GALNT15: variants seen among roughly 807,000 people sequenced by gnomAD.
GALNT15 encodes the protein UDP-GalNAc transferase T15.
Under a neutral mutation model 66.8 loss-of-function variants are expected in GALNT15, and 67 were observed. The observed-to-expected ratio is 1.00, with a 90% CI of 0.82 to 1.23. The LOEUF (loss-of-function observed/expected upper bound fraction) is 1.23. Among genes scored for constraint, GALNT15 ranks in the 50% most tolerant of loss-of-function variants. The probability of loss-of-function intolerance (pLI) is 0.00; values close to 1 mark genes in which losing one functional copy is unlikely to be tolerated. For missense variants in GALNT15, 827 were observed against 804.3 expected (o/e 1.03, Z -0.34); for synonymous variants, 313 against 311.5 (o/e 1.00, Z -0.05).
Position 16,219,604 on chromosome 3 carries a change from T to C in GALNT15, c.1524+70T>C. ...CCAAGACAAGAACTAGATGTTCAGC[T>C]CTTCCATGTCCCTGGTCAACCATTC... On this transcript the variant is annotated intron_variant, in intron 7 of 9. Transcript: ENST00000339732. The surrounding 1 kb of genome is among the most constrained non-coding windows in gnomAD (Gnocchi z 4.3). 1 of 1,574,986 alleles carries C rather than the reference T, an allele frequency of 6.3e-7. No individual in the cohort carries two copies. The highest frequency in any genetic ancestry group is 8.6e-7 in the Non-Finnish European group (1 of 1,156,300).
In GALNT15 at chr3:16,224,076, T is replaced by C. The variant is rs1455716095; in HGVS notation, c.1773+1318T>C. ...CTAAGCAAGTCCTATGAATAAGATATACTTTAGAAACAGCATTTAAAAATA... is the reference window on the plus strand; with the variant it reads ...CTAAGCAAGTCCTATGAATAAGATACACTTTAGAAACAGCATTTAAAAATA... On this transcript the variant is annotated intron_variant, in intron 9 of 9. Coordinates refer to ENST00000339732, the MANE Select transcript of GALNT15 (RefSeq NM_054110.5). This position sits in a 1 kb window ranked among gnomAD's most constrained non-coding sequence, Gnocchi z 5.2. 1.3e-5 allele frequency among the ~76,000 whole-genome samples: 2 copies of C among 152,204 alleles called. No homozygotes were observed. Among genetic ancestry groups the C allele is most frequent in the South Asian group, 2.1e-4 (1 of 4,826 alleles).
At chr3:16,235,504 A>G (rs1228134045), downstream of GALNT15, among the ~76,000 whole-genome samples, 1 of 152,226 alleles carries the variant, frequency 6.6e-6, no homozygotes, top group African/African-American at 2.4e-5. Context: ...AAAGCGAGGG[A>G]GATTCAGATA....
the GALNT15 span, among the ~76,000 whole-genome samples, chr3:16,245,611 C>T: frequency 3.9e-5 from 6 of 152,150 alleles, no homozygotes; most frequent in South Asian, 2.1e-4. Context: ...GAAATTGAAC[C>T]GGTTTGGTCC....
At chr3:16,233,925 T>C (rs2064108156), downstream of GALNT15, among the ~76,000 whole-genome samples, 1 of 152,182 alleles carries the variant, frequency 6.6e-6, no homozygotes, top group Non-Finnish European at 1.5e-5. Context: ...CTGATGGGAA[T>C]ATGGCCCTCA....
In GALNT15 at chr3:16,228,415, A is replaced by T. The variant is rs1044463287; in HGVS notation, c.*915A>T. The T allele has an allele frequency of 2.4e-6, 2 of 848,958 alleles. No individual in the cohort carries two copies. The highest frequency in any genetic ancestry group is 3.7e-5 in the African/African-American group (2 of 54,412). The allele number at this position is 848,958 out of a possible 1,614,324, so 52.6% of individuals were successfully genotyped here. A position where few individuals can be genotyped will look rare whatever the true frequency, so the allele number is the denominator to read the frequency against. On this transcript the variant is annotated 3_prime_UTR_variant, in exon 10 of 10. Coordinates refer to ENST00000339732, the MANE Select transcript of GALNT15 (RefSeq NM_054110.5). ...CAGCACTTTGGGAGGCAGAGTTGGGAGGATCACCTGATGTCAGGGGTTTGA... is the reference window on the plus strand; with the variant it reads ...CAGCACTTTGGGAGGCAGAGTTGGGTGGATCACCTGATGTCAGGGGTTTGA...
intron 2 of GALNT15, among the ~76,000 whole-genome samples, chr3:16,197,268 G>A (rs2063648845): frequency 6.6e-6 from 1 of 151,996 alleles, no homozygotes. Context: ...CCACCAGAGG[G>A]GATCTGGATC....
In GALNT15 at chr3:16,188,461, C is replaced by G. The variant is rs963592803; in HGVS notation, c.540-7299C>G. Among the ~76,000 whole-genome samples, 2 of 152,200 alleles carry G rather than the reference C, an allele frequency of 1.3e-5. No individual in the cohort carries two copies. Among genetic ancestry groups the G allele is most frequent in the African/African-American group, 4.8e-5 (2 of 41,452 alleles). On this transcript the variant is annotated intron_variant, in intron 1 of 9. Transcript: ENST00000339732. The surrounding 1 kb of genome is among the most constrained non-coding windows in gnomAD (Gnocchi z 4.6). ...ATCAGGAAGATGTGGCAAAACTGGA[C>G]TAAATTTCCTCCCAGTGACATCAGC...
chr3:16,216,646 G>A (rs2063881836), intron 6 of GALNT15, among the ~76,000 whole-genome samples: 2 of 152,238 alleles, frequency 1.3e-5, no homozygotes, highest in Non-Finnish European at 1.5e-5. Context: ...CTGGGGGCTT[G>A]TGTCCCTTTT....
chr3:16,175,262 C>T lies in GALNT15; in HGVS notation c.111C>T (p.His37=). The change falls in exon 1 of 10, where the codon CAC becomes CAT. Residue 37 remains histidine, a synonymous_variant. Coordinates refer to ENST00000339732, the MANE Select transcript of GALNT15 (RefSeq NM_054110.5). This position sits in a 1 kb window ranked among gnomAD's most constrained non-coding sequence, Gnocchi z 5.6. The part of the protein sequence containing the change: ...LMMVAMLHPP[H]HTLHQTVTAQ... ...TGGTGGCGATGTTGCACCCTCCCCACCACACCCTGCACCAGACTGTCACAG... is the reference window on the plus strand; with the variant it reads ...TGGTGGCGATGTTGCACCCTCCCCATCACACCCTGCACCAGACTGTCACAG... The T allele has an allele frequency of 6.2e-7, 1 of 1,614,206 alleles. No homozygotes were observed. The highest frequency in any genetic ancestry group is 2.2e-5 in the East Asian group (1 of 44,872).
At chr3:16,212,489 C>T in intron 5 of GALNT15, 80 bp from the exon 6 acceptor site, 1 of 1,315,938 alleles carries the variant, frequency 7.6e-7, no homozygotes, top group South Asian at 1.4e-5. Flanking sequence ...TTTTGCCAGC[C>T]CCTCATAGAT....
At chr3:16,194,250 G>A (rs1005045778) in intron 1 of GALNT15, among the ~76,000 whole-genome samples, 1 of 152,282 alleles carries the variant, frequency 6.6e-6, no homozygotes, top group African/African-American at 2.4e-5. Context: ...GGCCTTGCAC[G>A]GTGTCTGGCA....
chr3:16,214,147 C>T (rs551723983), intron 6 of GALNT15, among the ~76,000 whole-genome samples: 13 of 152,336 alleles, frequency 8.5e-5, no homozygotes, highest in Admixed American at 4.6e-4. Context: ...CAGCCTCCTT[C>T]GTTCCTCCAG....
chr3:16,198,431 G>A (rs2063662751), intron 2 of GALNT15, among the ~76,000 whole-genome samples: 1 of 142,548 alleles, frequency 7.0e-6, no homozygotes, highest in Non-Finnish European at 1.6e-5. Context: ...TGCCAGCAGT[G>A]ACAGGAAGTC....
chr3:16,232,490 ATATATATATATATATATATATT>A (rs1225542900), downstream of GALNT15, among the ~76,000 whole-genome samples: 1 of 82,786 alleles, frequency 1.2e-5, no homozygotes, highest in African/African-American at 5.1e-5. Flanking sequence ...ATATATATAT[ATATATATATATATATATATATT>A]TATTTAAAAG....
At position 16,227,462 on chromosome 3, in the gene GALNT15, T is replaced by C. The variant is rs768104907; in HGVS notation, c.1882T>C (p.Trp628Arg). ...RPCDGKARQQ[W>R]RFDQINAVDE... ...GTGTGATGGAAAAGCCCGCCAGCAG[T>C]GGCGTTTTGACCAGATCAATGCTGT... The change falls in exon 10 of 10, where the codon TGG becomes CGG. Residue 628 changes from tryptophan to arginine, a missense_variant. Transcript: ENST00000339732. This position sits in a 1 kb window ranked among gnomAD's most constrained non-coding sequence, Gnocchi z 4.5. 3 of 1,614,058 alleles carry C rather than the reference T, an allele frequency of 1.9e-6. No homozygotes were observed. In the African/African-American group the frequency reaches 4.0e-5, roughly 22 times the overall value.
rs139313760 is a variant in GALNT15 at position 16,206,378 on chromosome 3, T to TA, written c.912-2112dup. ...GTCTGGGCGACAGAGTGAGACCATT[T>TA]AAAAAAAAAAAAAGGCCGGGCGCGA... is the stretch of plus-strand genomic sequence containing the variant. On this transcript the variant is annotated intron_variant, in intron 3 of 9. Coordinates refer to ENST00000339732, the MANE Select transcript of GALNT15 (RefSeq NM_054110.5). Among the ~76,000 whole-genome samples, 790 of 133,352 alleles carry TA rather than the reference T, an allele frequency of 5.9e-3. 5 individuals are homozygous for TA. The highest frequency in any genetic ancestry group is 0.019 in the African/African-American group (675 of 35,918). 87.5% of individuals were successfully genotyped at this position (133,352 alleles called of 152,430 possible). A position where few individuals can be genotyped will look rare whatever the true frequency, so the allele number is the denominator to read the frequency against.
chr3:16,234,921 A>G (rs2064117240), downstream of GALNT15, among the ~76,000 whole-genome samples: 1 of 145,966 alleles, frequency 6.9e-6, no homozygotes, highest in Non-Finnish European at 1.5e-5. Context: ...CCTTATCCCA[A>G]TCTTTTTTTT....
At chr3:16,236,563 A>C (rs1479155667), downstream of GALNT15, among the ~76,000 whole-genome samples, 3 of 152,276 alleles carry the variant, frequency 2.0e-5, no homozygotes, top group Non-Finnish European at 4.4e-5. Flanking sequence ...ACTTAAAAAT[A>C]AACAGAGAAA....
chr3:16,212,725 T>A lies in GALNT15; in HGVS notation c.1354T>A (p.Phe452Ile). 1.2e-6 allele frequency: 2 copies of A among 1,613,828 alleles called. No homozygotes were observed. Among genetic ancestry groups the A allele is most frequent in the Non-Finnish European group, 1.7e-6 (2 of 1,180,022 alleles). Residue 452 changes from phenylalanine to isoleucine, a missense_variant, in exon 6 of 10, where the codon TTC (phenylalanine) becomes ATC (isoleucine). Physicochemically the swap from Phe to Ile is conservative, Grantham distance 21 (BLOSUM62 0). Transcript: ENST00000339732. ...ETWLGSFKETFYKHSPEAFSL... is the reference protein window; with the variant it reads ...ETWLGSFKETIYKHSPEAFSL... ...CTGGCTGGGGTCATTCAAAGAAACC[T>A]TCTACAAGCATAGCCCAGAGGCCTT...
Sources: allele counts gnomAD v4.1 joint callset (sites outside exome capture counted in the v4.1 genomes callset), GRCh38; gene constraint gnomAD v4.1.1; non-coding constraint Gnocchi (gnomAD v3.1); transcripts MANE v1.5; gene names NCBI Gene and HGNC (gene_info 2026-07-23, HGNC 2026-07-21).